The following ROBO1 variants were observed in gnomAD, a reference collection of about 807,000 sequenced individuals.
ROBO1 encodes the protein roundabout guidance receptor 1.
Under a neutral mutation model 195.9 loss-of-function variants are expected in ROBO1, and 149 were observed. The observed-to-expected ratio is 0.76, with a 90% CI of 0.67 to 0.87. The LOEUF is 0.87. Among genes scored for constraint, ROBO1 ranks in the 40% least tolerant of loss-of-function variants. The pLI is 0.00. For synonymous variants in ROBO1, 816 were observed against 733.2 expected (o/e 1.11, Z -1.82); for missense variants, 1,933 against 2,068.3 (o/e 0.93, Z 1.27).
At chr3:79,543,866 G>T (rs1258809912) in intron 2 of ROBO1, among the ~76,000 whole-genome samples, 1 of 152,004 alleles carries the variant, frequency 6.6e-6, no homozygotes, top group African/African-American at 2.4e-5. Flanking sequence ...CAAATGTGTG[G>T]TATCCTATAC....
intron 9 of ROBO1, among the ~76,000 whole-genome samples, chr3:78,687,066 A>G (rs1285946885): frequency 2.6e-5 from 4 of 152,214 alleles, no homozygotes; most frequent in Admixed American, 2.6e-4. Context: ...TTCCATGGAT[A>G]TATGTCTAAT....
At chr3:79,430,060 T>C (rs1053572548) in intron 2 of ROBO1, among the ~76,000 whole-genome samples, 5 of 152,130 alleles carry the variant, frequency 3.3e-5, no homozygotes, top group East Asian at 1.9e-4. Context: ...CTAACATTTA[T>C]GATACAATTT....
At chr3:79,396,446 A>G (rs1256927327) in intron 2 of ROBO1, among the ~76,000 whole-genome samples, 2 of 152,094 alleles carry the variant, frequency 1.3e-5, no homozygotes, top group African/African-American at 4.8e-5. Context: ...TTATATCATG[A>G]AAGAAACATT....
At chr3:78,834,733 T>C (rs923462229) in intron 4 of ROBO1, among the ~76,000 whole-genome samples, 1 of 152,100 alleles carries the variant, frequency 6.6e-6, no homozygotes, top group African/African-American at 2.4e-5. Context: ...CAAGCTGACC[T>C]GAGGGGTTGA....
chr3:78,771,829 G>A (rs145347922), intron 4 of ROBO1, among the ~76,000 whole-genome samples: 2,867 of 152,140 alleles, frequency 0.019, 50 homozygotes, highest in Middle Eastern at 0.058. Flanking sequence ...CATATCATCC[G>A]TGAAGAGAGA....
intron 2 of ROBO1, among the ~76,000 whole-genome samples, chr3:79,160,203 C>G (rs968369792): frequency 3.3e-5 from 5 of 151,442 alleles, no homozygotes; most frequent in African/African-American, 1.2e-4. Context: ...TTGATGTTCA[C>G]AATATTATTC....
At chr3:79,111,082 A>C (rs2079877553) in intron 3 of ROBO1, among the ~76,000 whole-genome samples, 1 of 152,154 alleles carries the variant, frequency 6.6e-6, no homozygotes, top group Non-Finnish European at 1.5e-5. Context: ...TTTAGTAAAG[A>C]ATACAAGGTC....
intron 23 of ROBO1, 58 bp downstream of exon 23, chr3:78,635,715 G>A (rs1212016342): frequency 2.8e-6 from 4 of 1,404,522 alleles, no homozygotes; most frequent in Admixed American, 2.0e-5. Context: ...TCAACATCTA[G>A]TCGAGGTGCT....
rs1161366602 is a variant in ROBO1, at chr3:78,606,835, C to A, written c.4642G>T (p.Gly1548Cys). The change falls in exon 29 of 31, where the codon GGT becomes TGT. Residue 1548 changes from glycine to cysteine, a missense_variant. By Grantham distance (159) the Gly-to-Cys change is radical (BLOSUM62 -3). Transcript: ENST00000464233. Reference protein sequence around the residue: ...RQVVDMRTNPGDPREAQEQQN... With the variant: ...RQVVDMRTNPCDPREAQEQQN... ...TGTTCCTGTGCTTCTCTGGGATCACCTGGATTTGTTCGCATGTCAACAACC... is the reference window on the plus strand; with the variant it reads ...TGTTCCTGTGCTTCTCTGGGATCACATGGATTTGTTCGCATGTCAACAACC... 1 of 1,613,840 alleles carries A rather than the reference C, an allele frequency of 6.2e-7. No homozygotes were observed. The highest frequency in any genetic ancestry group is 2.2e-5 in the East Asian group (1 of 44,864).
intron 2 of ROBO1, among the ~76,000 whole-genome samples, chr3:79,537,353 C>T (rs1277520795): frequency 6.6e-6 from 1 of 152,090 alleles, no homozygotes; most frequent in Non-Finnish European, 1.5e-5. Context: ...TGGGAACGTG[C>T]AGGAAGTTAC....
intron 2 of ROBO1, among the ~76,000 whole-genome samples, chr3:79,151,544 G>C (rs114404748): frequency 3.3e-5 from 5 of 151,556 alleles, no homozygotes; most frequent in Admixed American, 6.6e-5. Context: ...TCTATAATCT[G>C]TCCTTCAGAG....
chr3:78,692,993 C>T, intron 8 of ROBO1: 1 of 185,984 alleles, frequency 5.4e-6, no homozygotes, highest in Non-Finnish European at 1.1e-5. Flanking sequence ...GAACCAAAAT[C>T]ATTCTCTGCA....
chr3:79,334,517 A>G (rs1652457991), intron 2 of ROBO1, among the ~76,000 whole-genome samples: 1 of 151,686 alleles, frequency 6.6e-6, no homozygotes, highest in African/African-American at 2.4e-5. Flanking sequence ...GCACCTGGTT[A>G]TAGTAGATGT....
chr3:78,890,190 T>C (rs563466708), intron 4 of ROBO1, among the ~76,000 whole-genome samples: 54 of 152,262 alleles, frequency 3.5e-4, no homozygotes, highest in Admixed American at 1.4e-3. Context: ...AGAAATTTCA[T>C]GGCCAGACTA....
At chr3:79,019,486 G>T (rs1437807868) in intron 3 of ROBO1, 9 of 986,116 alleles carry the variant, frequency 9.1e-6, no homozygotes, top group Admixed American at 6.2e-5. Flanking sequence ...CACAGTCCCC[G>T]CGGCTCCCAG....
chr3:78,924,122 C>G (rs1289477675), intron 4 of ROBO1, among the ~76,000 whole-genome samples: 1 of 151,646 alleles, frequency 6.6e-6, no homozygotes, highest in Non-Finnish European at 1.5e-5. Context: ...TGATGTATAG[C>G]TATGAGAAAT....
In ROBO1 at chr3:78,813,427, T is replaced by A. The variant is rs575647933; in HGVS notation, c.500-66527A>T. Among the ~76,000 whole-genome samples, 176 of 152,222 alleles carry A rather than the reference T, an allele frequency of 1.2e-3. 1 individual carries two copies. Among genetic ancestry groups the A allele is most frequent in the Non-Finnish European group, 2.1e-3 (143 of 67,972 alleles). On this transcript the variant is annotated intron_variant, in intron 4 of 30. Coordinates refer to ENST00000464233, the MANE Select transcript of ROBO1 (RefSeq NM_002941.4). Reference sequence around the variant, plus strand: ...AGGGATAAATACATGTATAAAGATCTAAAAACTGTCGTGTCTTTATTCAAC... The same window carrying A: ...AGGGATAAATACATGTATAAAGATCAAAAAACTGTCGTGTCTTTATTCAAC...
In ROBO1 at chr3:79,247,914, A is replaced by G. The variant is rs977769487; in HGVS notation, c.89-122375T>C. Among the ~76,000 whole-genome samples the G allele has an allele frequency of 3.3e-5, 5 of 152,182 alleles. No homozygotes were observed. In the South Asian group the frequency reaches 6.2e-4, roughly 19 times the overall value. ...TGGAGCCTGGGACAGACATGAGTGC[A>G]TGTGGATTTGGGAATGTGTTTCCCT... On this transcript the variant is annotated intron_variant, in intron 2 of 30. Transcript: ENST00000464233.
intron 2 of ROBO1, among the ~76,000 whole-genome samples, chr3:79,347,061 T>C (rs1417092425): frequency 1.3e-5 from 2 of 152,100 alleles, no homozygotes; most frequent in Non-Finnish European, 2.9e-5. Context: ...TATAAAAAAA[T>C]TGTCTGTGTA....
Sources: allele counts gnomAD v4.1 joint callset (sites outside exome capture counted in the v4.1 genomes callset), GRCh38; gene constraint gnomAD v4.1.1; transcripts MANE v1.5; gene names NCBI Gene and HGNC (gene_info 2026-07-23, HGNC 2026-07-21).